ETV6: variants seen among roughly 807,000 people sequenced by gnomAD.
ETV6 encodes ETS variant transcription factor 6, also known as transcription factor ETV6.
Under a neutral mutation model 51.1 loss-of-function variants are expected in ETV6, and 16 were observed. That is an observed-to-expected ratio of 0.31 (90% CI 0.21 to 0.48). ETV6 has a LOEUF of 0.48. Among genes scored for constraint, ETV6 ranks in the 20% least tolerant of loss-of-function variants. ETV6 has a pLI of 0.99. For synonymous variants in ETV6, 240 were observed against 224.1 expected (o/e 1.07, Z -0.64); for missense variants, 458 against 594.8 (o/e 0.77, Z 2.39).
chr12:11,750,905 T>A (rs1261987926), intron 1 of ETV6: 1 of 473,892 alleles, frequency 2.1e-6, no homozygotes, highest in African/African-American at 2.0e-5. Context: ...CCTGCTAAAG[T>A]TCAAGAAAAG....
chr12:11,685,237 A>G (rs576454483), intron 1 of ETV6, among the ~76,000 whole-genome samples: 200 of 152,090 alleles, frequency 1.3e-3, no homozygotes, highest in African/African-American at 4.4e-3. Flanking sequence ...AAATAGGACC[A>G]TCCGGAGTAC....
chr12:11,791,218 TC>T (rs1368572694), intron 2 of ETV6, among the ~76,000 whole-genome samples: 4 of 152,172 alleles, frequency 2.6e-5, no homozygotes, highest in Non-Finnish European at 5.9e-5. Flanking sequence ...TTTCTTTTTC[TC>T]CCCTCCCTCC....
intron 2 of ETV6, among the ~76,000 whole-genome samples, chr12:11,808,892 G>A (rs1171113936): frequency 6.6e-6 from 1 of 152,168 alleles, no homozygotes; most frequent in Non-Finnish European, 1.5e-5. Flanking sequence ...GGCCATGTGT[G>A]GTGGCTCACA....
At chr12:11,776,179 C>T (rs946138887) in intron 2 of ETV6, among the ~76,000 whole-genome samples, 1 of 152,172 alleles carries the variant, frequency 6.6e-6, no homozygotes, top group African/African-American at 2.4e-5. Flanking sequence ...TGATTCTTTA[C>T]ACTGAACGTG....
intron 2 of ETV6, among the ~76,000 whole-genome samples, chr12:11,788,158 C>T (rs1367717593): frequency 1.3e-5 from 2 of 152,212 alleles, no homozygotes; most frequent in Non-Finnish European, 2.9e-5. Flanking sequence ...GTTCATTTGA[C>T]ATCATTTCCA....
chr12:11,716,325 CT>C, intron 1 of ETV6, among the ~76,000 whole-genome samples: 2 of 99,242 alleles, frequency 2.0e-5, no homozygotes, highest in African/African-American at 4.4e-5. Context: ...AGCAAGACTC[CT>C]TCTCAAAAAA....
At chr12:11,853,638 G>A in intron 4 of ETV6, 77 bp downstream of exon 4, 1 of 1,522,472 alleles carries the variant, frequency 6.6e-7, no homozygotes, top group Admixed American at 1.8e-5. Context: ...TTGATAAGCT[G>A]GTCTTCTTCG....
At chr12:11,888,309 A>C (rs1303108427) in intron 7 of ETV6, among the ~76,000 whole-genome samples, 1 of 151,968 alleles carries the variant, frequency 6.6e-6, no homozygotes, top group Non-Finnish European at 1.5e-5. Context: ...CAGCTGCTCC[A>C]ACACACATAG....
At chr12:11,741,487 A>G (rs1865809656) in intron 1 of ETV6, among the ~76,000 whole-genome samples, 1 of 152,174 alleles carries the variant, frequency 6.6e-6, no homozygotes, top group Non-Finnish European at 1.5e-5. Flanking sequence ...TGCTCCTGCC[A>G]CACACAAGTG....
rs116308096 is a variant in ETV6 at position 11,809,346 on chromosome 12, G to T, written c.164-29794G>T. ...GACAAGAGGAAAAAAGGAGATGGTA[G>T]AAGGGAGGAATGAAAGTAAGTAAAA... On this transcript the variant is annotated intron_variant, in intron 2 of 7. Coordinates refer to ENST00000396373, the MANE Select transcript of ETV6 (RefSeq NM_001987.5). Among the ~76,000 whole-genome samples, 410 of 152,226 alleles carry T rather than the reference G, an allele frequency of 2.7e-3. 1 individual carries two copies. The highest frequency in any genetic ancestry group is 9.3e-3 in the African/African-American group (388 of 41,526).
At chr12:11,666,806 C>A (rs1435991780) in intron 1 of ETV6, among the ~76,000 whole-genome samples, 1 of 152,232 alleles carries the variant, frequency 6.6e-6, no homozygotes, top group Non-Finnish European at 1.5e-5. Context: ...CTGCTGGGGG[C>A]TTTCTGTTGC....
At chr12:11,814,018 C>A (rs1333460461) in intron 2 of ETV6, among the ~76,000 whole-genome samples, 1 of 152,142 alleles carries the variant, frequency 6.6e-6, no homozygotes, top group Non-Finnish European at 1.5e-5. Flanking sequence ...TGCATTGATT[C>A]TTTTAACATC....
chr12:11,735,015 A>G (rs567382364), intron 1 of ETV6, among the ~76,000 whole-genome samples: 1 of 150,342 alleles, frequency 6.7e-6, no homozygotes, highest in South Asian at 2.1e-4. Context: ...TTCATCTTCT[A>G]CTTATTAATG....
intron 5 of ETV6, among the ~76,000 whole-genome samples, chr12:11,877,616 T>G (rs1178479921): frequency 6.6e-6 from 1 of 152,176 alleles, no homozygotes; most frequent in Non-Finnish European, 1.5e-5. Flanking sequence ...GGAGATGCCC[T>G]TCTGTAGACC....
At chr12:11,793,415 C>T (rs767806068) in intron 2 of ETV6, among the ~76,000 whole-genome samples, 5 of 152,194 alleles carry the variant, frequency 3.3e-5, no homozygotes, top group Non-Finnish European at 7.3e-5. Context: ...GACTTTATGT[C>T]CTGGACTGGG....
intron 1 of ETV6, among the ~76,000 whole-genome samples, chr12:11,701,139 A>C (rs963908859): frequency 6.6e-6 from 1 of 151,676 alleles, no homozygotes; most frequent in African/African-American, 2.4e-5. Context: ...TAATATATAC[A>C]TAATATAAAA....
chr12:11,722,668 T>A (rs555850464), intron 1 of ETV6, among the ~76,000 whole-genome samples: 4 of 152,266 alleles, frequency 2.6e-5, no homozygotes, highest in African/African-American at 9.6e-5. Context: ...AGAATTGAAG[T>A]TACTCTCCCA....
At chr12:11,842,939 AG>A (rs1946411624) in intron 3 of ETV6, among the ~76,000 whole-genome samples, 1 of 152,238 alleles carries the variant, frequency 6.6e-6, no homozygotes, top group African/African-American at 2.4e-5. Flanking sequence ...AGGACATTCA[AG>A]AAAACTTGTC....
intron 1 of ETV6, among the ~76,000 whole-genome samples, chr12:11,749,324 CACACACACACACACACACACACACA>C (rs1865973331): frequency 1.3e-5 from 2 of 149,660 alleles, no homozygotes; most frequent in East Asian, 2.0e-4. Context: ...CACACACACA[CACACACACACACACACACACACACA>C]CCCCTACTCC....
Sources: gnomAD v4.1 joint callset for allele counts (sites outside exome capture counted in the v4.1 genomes callset) on GRCh38, gnomAD v4.1.1 for gene constraint, MANE v1.5 for transcripts, NCBI Gene and HGNC (gene_info 2026-07-23, HGNC 2026-07-21) for gene names.